Variants in ATAD2B observed in about 807,000 individuals in gnomAD.
ATAD2B encodes ATPase family AAA domain containing 2B.
A neutral mutation model predicts 167.6 loss-of-function variants in ATAD2B; 40 were observed. That is an observed-to-expected ratio of 0.24 (90% CI 0.19 to 0.31). The LOEUF (loss-of-function observed/expected upper bound fraction) is 0.31. Ranked by LOEUF, ATAD2B falls within the 10% of genes least tolerant of loss-of-function variation. The pLI is 1.00. For missense variants in ATAD2B, 1,242 were observed against 1,757.2 expected (o/e 0.71, Z 5.24); for synonymous variants, 579 against 596.5 (o/e 0.97, Z 0.43).
chr2:23,804,588 C>T (rs964341544), intron 18 of ATAD2B, among the ~76,000 whole-genome samples: 12 of 150,070 alleles, frequency 8.0e-5, no homozygotes, highest in Non-Finnish European at 7.4e-5. Flanking sequence ...TAGTAAAAGC[C>T]AAGAAGCGTA....
At chr2:23,772,086 T>C (rs533891780) in intron 22 of ATAD2B, among the ~76,000 whole-genome samples, 2 of 152,340 alleles carry the variant, frequency 1.3e-5, no homozygotes, top group African/African-American at 4.8e-5. Context: ...TGTTGCCTGG[T>C]GTCCAATGCC....
chr2:23,821,251 A>G (rs1057041714), intron 16 of ATAD2B, among the ~76,000 whole-genome samples: 6 of 152,232 alleles, frequency 3.9e-5, no homozygotes, highest in Non-Finnish European at 1.5e-5. Context: ...ATGCTATAAA[A>G]TGGTAATTCA....
the ATAD2B span, among the ~76,000 whole-genome samples, chr2:23,692,391 C>T: frequency 3.9e-5 from 6 of 152,372 alleles, no homozygotes; most frequent in South Asian, 2.1e-4. Flanking sequence ...GTCGCTGACC[C>T]GAACAACATG....
chr2:23,735,400 A>C, the ATAD2B span, among the ~76,000 whole-genome samples: 1 of 152,244 alleles, frequency 6.6e-6, no homozygotes, highest in African/African-American at 2.4e-5. Context: ...AATAACTTCC[A>C]TATCATCAGT....
In ATAD2B at chr2:23,757,676, T is replaced by G. The variant is rs767440105; in HGVS notation, c.3820A>C (p.Thr1274Pro). The G allele has an allele frequency of 3.7e-5, 59 of 1,613,620 alleles. 1 individual carries two copies. Among genetic ancestry groups the G allele is most frequent in the Non-Finnish European group, 4.9e-5 (58 of 1,179,724 alleles). ...ACTGGTATTCCTTCAAAACTGTCAG[T>G]GGAAGCCTCACCATTTAGACAATTT... Reference protein sequence around the residue: ...KGNCLNGEASTDSFEGIPVLE... With the variant: ...KGNCLNGEASPDSFEGIPVLE... Residue 1274 changes from threonine (T) to proline (P), a missense_variant, in exon 25 of 28, where the codon ACT (threonine) becomes CCT (proline). Physicochemically the swap from Thr to Pro is conservative, Grantham distance 38 (BLOSUM62 -1). Coordinates refer to ENST00000238789, the MANE Select transcript of ATAD2B (RefSeq NM_017552.4).
intron 4 of ATAD2B, among the ~76,000 whole-genome samples, chr2:23,886,129 G>A (rs539288355): frequency 6.6e-6 from 1 of 151,762 alleles, no homozygotes; most frequent in East Asian, 1.9e-4. Flanking sequence ...ATTTTTTTGT[G>A]GAGATGGGGT....
At chr2:23,706,583 A>T in the ATAD2B span, 2 of 1,537,150 alleles carry the variant, frequency 1.3e-6, no homozygotes, top group Admixed American at 2.0e-5. Flanking sequence ...CAACCAACAC[A>T]TGGACCCTCC....
At position 23,807,828 on chromosome 2, in the gene ATAD2B, A is replaced by ATAT. The variant is rs1414215585; in HGVS notation, c.2454+2487_2454+2488insATA. Among the ~76,000 whole-genome samples the ATAT allele has an allele frequency of 2.3e-3, 278 of 119,026 alleles. 2 individuals are homozygous for ATAT. Among genetic ancestry groups the ATAT allele is most frequent in the African/African-American group, 9.3e-3 (273 of 29,430 alleles). 78.1% of individuals were successfully genotyped at this position (119,026 alleles called of 152,430 possible). A position where few individuals can be genotyped will look rare whatever the true frequency, so the allele number is the denominator to read the frequency against. On this transcript the variant is annotated intron_variant, in intron 18 of 27. Coordinates refer to ENST00000238789, the MANE Select transcript of ATAD2B (RefSeq NM_017552.4). ...GTGACTCCATCTTAAAAAAAAAAAAAATATATATATATATATAATAAAATA... is the reference window on the plus strand; with the variant it reads ...GTGACTCCATCTTAAAAAAAAAAAAATATATATATATATATATATAATAAAATA...
chr2:23,696,682 G>C, the ATAD2B span: 4 of 578,854 alleles, frequency 6.9e-6, no homozygotes, highest in Admixed American at 6.9e-5. The surrounding 1 kb of genome is among the most constrained non-coding windows in gnomAD (Gnocchi z 5.5). Flanking sequence ...GGGGCAGCAG[G>C]GTGTGGGATA....
chr2:23,828,143 G>A (rs1483753270), intron 15 of ATAD2B, among the ~76,000 whole-genome samples: 1 of 151,598 alleles, frequency 6.6e-6, no homozygotes, highest in Non-Finnish European at 1.5e-5. Flanking sequence ...AAGAATGAAG[G>A]AGAAATACCT....
At chr2:23,715,906 T>C in the ATAD2B span, among the ~76,000 whole-genome samples, 5 of 152,212 alleles carry the variant, frequency 3.3e-5, no homozygotes, top group African/African-American at 1.2e-4. Context: ...TTCCATTAAA[T>C]ATGTGACATA....
intron 14 of ATAD2B, among the ~76,000 whole-genome samples, chr2:23,832,808 A>C (rs1227489785): frequency 6.6e-6 from 1 of 152,206 alleles, no homozygotes; most frequent in Non-Finnish European, 1.5e-5. Flanking sequence ...TCTCAGAACT[A>C]AGCACATTTC....
chr2:23,887,255 TCTCA>T (rs200605109), intron 4 of ATAD2B, among the ~76,000 whole-genome samples: 5,885 of 152,206 alleles, frequency 0.039, 109 homozygotes, highest in South Asian at 0.046. Context: ...GGGATTGAGG[TCTCA>T]CTATGCTGCC....
chr2:23,713,095 C>T, the ATAD2B span, among the ~76,000 whole-genome samples: 4,952 of 152,334 alleles, frequency 0.033, 100 homozygotes, highest in South Asian at 0.087. Context: ...GGTTGGTGCA[C>T]AAGTAATGGC....
intron 5 of ATAD2B, 83 bp downstream of exon 5, chr2:23,885,644 C>A: frequency 1.3e-6 from 1 of 748,544 alleles, no homozygotes; most frequent in Admixed American, 2.8e-5. Context: ...AATTCAAAAA[C>A]ATCCAACTGT....
At chr2:23,693,884 G>A in the ATAD2B span, among the ~76,000 whole-genome samples, 1 of 152,176 alleles carries the variant, frequency 6.6e-6, no homozygotes, top group African/African-American at 2.4e-5. Flanking sequence ...TGGACCAAAT[G>A]GAAACCCCTG....
chr2:23,787,315 T>C (rs1680974279), intron 20 of ATAD2B, among the ~76,000 whole-genome samples: 5 of 151,912 alleles, frequency 3.3e-5, no homozygotes, highest in Admixed American at 3.3e-4. Context: ...AAAGTGAAAG[T>C]CAACAGAAGC....
In ATAD2B at chr2:23,810,298, G is replaced by A; in HGVS notation, c.2454+18C>T. On this transcript the variant is annotated intron_variant, in intron 18 of 27. Transcript: ENST00000238789. ...GCAATAAGAAAGTTGGAAGTGCTCTGATGTGGTACAAACCTACCTGTGCAC... is the reference window on the plus strand; with the variant it reads ...GCAATAAGAAAGTTGGAAGTGCTCTAATGTGGTACAAACCTACCTGTGCAC... 7 of 1,602,614 alleles carry A rather than the reference G, an allele frequency of 4.4e-6. No individual in the cohort carries two copies. In the South Asian group the frequency reaches 5.5e-5, roughly 13 times the overall value.
At chr2:23,882,178 T>C (rs1383570074) in intron 6 of ATAD2B, among the ~76,000 whole-genome samples, 5 of 151,954 alleles carry the variant, frequency 3.3e-5, no homozygotes, top group East Asian at 3.9e-4. Context: ...TGGGGCAACA[T>C]AGCAAGATTC....
Sources: gnomAD v4.1 joint callset for allele counts (sites outside exome capture counted in the v4.1 genomes callset) on GRCh38, gnomAD v4.1.1 for gene constraint, Gnocchi (gnomAD v3.1) non-coding constraint, MANE v1.5 for transcripts, NCBI Gene and HGNC (gene_info 2026-07-23, HGNC 2026-07-21) for gene names.